Variants in PCBP3 observed in about 807,000 individuals in gnomAD.
PCBP3 encodes poly(rC) binding protein 3, also known as poly(rC)-binding protein 3.
PCBP3 carries 25 observed loss-of-function variants against 52.7 expected under a neutral mutation model. That is an observed-to-expected ratio of 0.47 (90% CI 0.35 to 0.66). The LOEUF is 0.66. PCBP3 is among the 30% of genes least tolerant of loss of function. The pLI is 0.01. For missense variants in PCBP3, 391 were observed against 490.3 expected (o/e 0.80, Z 1.91); for synonymous variants, 162 against 183.0 (o/e 0.89, Z 0.93).
chr21:45,781,137 C>G (rs2090608183), intron 4 of PCBP3, among the ~76,000 whole-genome samples: 1 of 152,102 alleles, frequency 6.6e-6, no homozygotes, highest in Non-Finnish European at 1.5e-5. Flanking sequence ...AAGCCCTGCT[C>G]CTGGTATAAG....
chr21:45,751,529 T>G (rs1271610573), intron 3 of PCBP3: 1 of 152,456 alleles, frequency 6.6e-6, no homozygotes, highest in African/African-American at 2.4e-5. Flanking sequence ...TTGCTTCCTC[T>G]GCTGCCCAGT....
intron 4 of PCBP3, among the ~76,000 whole-genome samples, chr21:45,767,691 AAGGACTTGCTCAGGAT>A (rs1782272873): frequency 6.6e-6 from 1 of 152,144 alleles, no homozygotes; most frequent in African/African-American, 2.4e-5. Context: ...GGGGAGGTAA[AAGGACTTGCTCAGGAT>A]AGGACAGACC....
chr21:45,930,670 G>A, intron 14 of PCBP3, 116 bp from the exon 15 acceptor site: 1 of 596,422 alleles, frequency 1.7e-6, no homozygotes, highest in Non-Finnish European at 3.1e-6. Context: ...CTGTGGCTGT[G>A]GCCAGAGAGA....
chr21:45,774,395 A>G (rs2090104490), intron 4 of PCBP3, among the ~76,000 whole-genome samples: 1 of 151,980 alleles, frequency 6.6e-6, no homozygotes, highest in African/African-American at 2.4e-5. Flanking sequence ...TCTCAAAAAA[A>G]AAAAAAAGAA....
At chr21:45,793,483 G>GAGC (rs1190278345) in intron 4 of PCBP3, among the ~76,000 whole-genome samples, 11 of 152,114 alleles carry the variant, frequency 7.2e-5, no homozygotes, top group Non-Finnish European at 1.6e-4. Flanking sequence ...TTTAACAGGA[G>GAGC]TCTGAGGACC....
chr21:45,677,244 G>A (rs188770515), intron 2 of PCBP3, among the ~76,000 whole-genome samples: 1 of 152,304 alleles, frequency 6.6e-6, no homozygotes, highest in East Asian at 1.9e-4. Context: ...ATAAGAAAGC[G>A]AAACAGCCTT....
At chr21:45,868,411 C>CTTTTTTTTTTTTTT (rs1232045625) in intron 5 of PCBP3, among the ~76,000 whole-genome samples, 1 of 113,678 alleles carries the variant, frequency 8.8e-6, no homozygotes, top group African/African-American at 3.3e-5. Context: ...CTTATTTGTT[C>CTTTTTTTTTTTTTT]TTTTTTTTTT....
intron 2 of PCBP3, among the ~76,000 whole-genome samples, chr21:45,699,054 C>T (rs935553260): frequency 6.6e-6 from 1 of 152,186 alleles, no homozygotes; most frequent in Non-Finnish European, 1.5e-5. Flanking sequence ...TGCTCATTAA[C>T]GTCACCTGCC....
chr21:45,691,693 A>G lies in PCBP3; in HGVS notation c.-200+22741A>G, dbSNP rs560876506. Among the ~76,000 whole-genome samples the G allele has an allele frequency of 1.2e-4, 19 of 152,194 alleles. No individual in the cohort carries two copies. In the South Asian group the frequency reaches 3.7e-3, roughly 30 times the overall value. The stretch of plus-strand genomic sequence containing the variant: ...AAGCAATGAAGAGTATATGAGCTAT[A>G]ACAACCCTTCTAGATAAGCTAAAAA... On this transcript the variant is annotated intron_variant, in intron 2 of 17. Coordinates refer to ENST00000681687, the MANE Select transcript of PCBP3 (RefSeq NM_001384156.1).
chr21:45,857,794 C>T (rs2094357861), intron 5 of PCBP3, among the ~76,000 whole-genome samples: 1 of 152,236 alleles, frequency 6.6e-6, no homozygotes. Context: ...CAGGAGCCAG[C>T]ATGTACCAGT....
chr21:45,941,543 C>A, intron 17 of PCBP3, 127 bp from the exon 18 acceptor site: 1 of 770,168 alleles, frequency 1.3e-6, no homozygotes, highest in Non-Finnish European at 2.1e-6. Context: ...AGCTCAGGAC[C>A]TCCTGAGCTG....
chr21:45,706,584 T>A (rs1042024146), intron 2 of PCBP3, among the ~76,000 whole-genome samples: 1 of 152,206 alleles, frequency 6.6e-6, no homozygotes. Flanking sequence ...GCCCATGTAC[T>A]GTAAATGCTC....
intron 2 of PCBP3, among the ~76,000 whole-genome samples, chr21:45,706,477 C>T (rs1386638261): frequency 4.6e-5 from 7 of 152,096 alleles, no homozygotes. Context: ...TCTCCCTCCC[C>T]TCTCCCTCTG....
intron 16 of PCBP3, among the ~76,000 whole-genome samples, chr21:45,938,289 G>T (rs554403191): frequency 2.0e-5 from 3 of 152,234 alleles, no homozygotes; most frequent in African/African-American, 7.2e-5. Context: ...GAGGAAAGCG[G>T]CTGCGTGCTG....
chr21:45,646,949 A>G (rs1342043486), intron 1 of PCBP3, among the ~76,000 whole-genome samples: 1 of 151,662 alleles, frequency 6.6e-6, no homozygotes, highest in Non-Finnish European at 1.5e-5. Context: ...AGCTATATCT[A>G]CTCTCTTTTC....
At chr21:45,659,954 G>A (rs1216172958) in intron 1 of PCBP3, among the ~76,000 whole-genome samples, 1 of 152,018 alleles carries the variant, frequency 6.6e-6, no homozygotes, top group Non-Finnish European at 1.5e-5. Context: ...ATGTCTGCTA[G>A]GTCTAATTAG....
At chr21:45,891,761 A>C (rs1427674452) in intron 5 of PCBP3, among the ~76,000 whole-genome samples, 2 of 152,216 alleles carry the variant, frequency 1.3e-5, no homozygotes, top group Admixed American at 6.5e-5. Context: ...GCAAGGTTAA[A>C]CGGTGAGTCG....
intron 3 of PCBP3, among the ~76,000 whole-genome samples, chr21:45,752,407 G>C (rs1208774555): frequency 1.3e-5 from 2 of 151,362 alleles, no homozygotes; most frequent in Non-Finnish European, 2.9e-5. Context: ...TTGATATTCA[G>C]CTTTTTAAAA....
chr21:45,691,594 G>A (rs2082485427), intron 2 of PCBP3, among the ~76,000 whole-genome samples: 2 of 151,446 alleles, frequency 1.3e-5, no homozygotes, highest in Non-Finnish European at 2.9e-5. Flanking sequence ...GTCAGAGCAG[G>A]CCAACATTAC....
Sources: allele counts gnomAD v4.1 joint callset (sites outside exome capture counted in the v4.1 genomes callset), GRCh38; gene constraint gnomAD v4.1.1; transcripts MANE v1.5; gene names NCBI Gene and HGNC (gene_info 2026-07-23, HGNC 2026-07-21).